The following GHR variants were observed in gnomAD, a reference collection of about 807,000 sequenced individuals.
The protein encoded by GHR is GH receptor.
GHR carries 35 observed loss-of-function variants against 67.1 expected under a neutral mutation model. The observed-to-expected ratio is 0.52, with a 90% CI of 0.40 to 0.69. The LOEUF (loss-of-function observed/expected upper bound fraction) is 0.69. GHR is among the 30% of genes least tolerant of loss of function. The pLI is 0.00. For missense variants in GHR, 792 were observed against 764.6 expected, an observed-to-expected ratio of 1.04 and a Z score of -0.42; for synonymous variants, 272 against 269.1, an observed-to-expected ratio of 1.01 and a Z score of -0.10.
rs755701118 is a variant in GHR, at chr5:42,641,619, C to T, written c.136+12516C>T. ...CACTATCTCATCCTGCCCTCACTAT[C>T]GCTACCCCCAATCTCTCTCTACATT... On this transcript the variant is annotated intron_variant, in intron 3 of 9. Coordinates refer to ENST00000230882, the MANE Select transcript of GHR (RefSeq NM_000163.5). Among the ~76,000 whole-genome samples, 133 of 152,232 alleles carry T rather than the reference C, an allele frequency of 8.7e-4. 2 individuals are homozygous for T. Among genetic ancestry groups the T allele is most frequent in the Non-Finnish European group, 1.8e-3 (123 of 68,010 alleles).
At chr5:42,674,491 T>C (rs980864085) in intron 3 of GHR, among the ~76,000 whole-genome samples, 3 of 152,130 alleles carry the variant, frequency 2.0e-5, no homozygotes, top group African/African-American at 7.2e-5. Context: ...CCTGTACCCA[T>C]TAGTAGTCAC....
intron 1 of GHR, among the ~76,000 whole-genome samples, chr5:42,476,253 C>T (rs1248022100): frequency 2.0e-5 from 3 of 149,004 alleles, no homozygotes; most frequent in Non-Finnish European, 4.4e-5. Flanking sequence ...TGGAGCCCTG[C>T]TCTGTCGCCC....
intron 3 of GHR, among the ~76,000 whole-genome samples, chr5:42,685,843 C>T (rs1322664600): frequency 6.6e-6 from 1 of 151,800 alleles, no homozygotes; most frequent in East Asian, 1.9e-4. Flanking sequence ...GGATATTAGC[C>T]CTTTGTCAGA....
At chr5:42,662,630 C>A in intron 3 of GHR, among the ~76,000 whole-genome samples, 1 of 152,096 alleles carries the variant, frequency 6.6e-6, no homozygotes, top group Non-Finnish European at 1.5e-5. Context: ...ATTTATAGCA[C>A]TAAATGCCCA....
intron 1 of GHR, among the ~76,000 whole-genome samples, chr5:42,477,765 T>C (rs1745407580): frequency 1.3e-5 from 2 of 152,232 alleles, no homozygotes; most frequent in African/African-American, 4.8e-5. Context: ...TTGAGTTCAT[T>C]GTAGATTCTG....
intron 6 of GHR, among the ~76,000 whole-genome samples, chr5:42,704,574 G>A (rs1044624912): frequency 6.6e-6 from 1 of 152,106 alleles, no homozygotes; most frequent in African/African-American, 2.4e-5. Context: ...TCAAGAAATA[G>A]TTTGGTAGTA....
chr5:42,533,268 C>T (rs1748061511), intron 1 of GHR, among the ~76,000 whole-genome samples: 1 of 152,148 alleles, frequency 6.6e-6, no homozygotes, highest in African/African-American at 2.4e-5. Context: ...CTTCTATTAT[C>T]TTTTCTTCTC....
rs746242662 is a variant in GHR, at chr5:42,688,981, A to G, written c.228A>G (p.Thr76=). Residue 76 remains threonine (T), a synonymous_variant, in exon 4 of 10, where the codon ACA becomes ACG. Transcript: ENST00000230882. The part of the protein sequence containing the change: ...CHWTDEVHHG[T]KNLGPIQLFY... ...GGACAGATGAGGTTCATCATGGTAC[A>G]AAGAACCTAGGACCCATACAGCTGT... The G allele has an allele frequency of 2.5e-6, 4 of 1,613,342 alleles. No homozygotes were observed. The highest frequency in any genetic ancestry group is 1.3e-5 in the African/African-American group (1 of 75,038).
rs1308264508 is a variant in GHR at position 42,675,461 on chromosome 5, A to C, written c.137-13429A>C. On this transcript the variant is annotated intron_variant, in intron 3 of 9. Transcript: ENST00000230882. ...CATCAAGAAGAAGAGAGAAAATTTT[A>C]AATAAGACAGAGGAGTGTATGATCA... is the stretch of plus-strand genomic sequence containing the variant. 2.0e-5 allele frequency among the ~76,000 whole-genome samples: 3 copies of C among 152,194 alleles called. No individual in the cohort carries two copies. In the East Asian group the frequency reaches 5.8e-4, roughly 29 times the overall value.
intron 1 of GHR, among the ~76,000 whole-genome samples, chr5:42,563,573 G>A (rs1206772960): frequency 5.7e-5 from 8 of 139,256 alleles, no homozygotes; most frequent in African/African-American, 2.2e-4. Flanking sequence ...AGCCGAGATT[G>A]CGCCACTGCA....
At chr5:42,529,603 G>T (rs148757622) in intron 1 of GHR, among the ~76,000 whole-genome samples, 12 of 152,038 alleles carry the variant, frequency 7.9e-5, no homozygotes, top group Non-Finnish European at 1.8e-4. Context: ...TGGGTTTAAC[G>T]GCCTATATAA....
rs144583835 is a variant in GHR at position 42,547,634 on chromosome 5, C to G, written c.-11-18230C>G. On this transcript the variant is annotated intron_variant, in intron 1 of 9. Coordinates refer to ENST00000230882, the MANE Select transcript of GHR (RefSeq NM_000163.5). ...TACGTTTTCTAAATGCTGTGTTCTTCTGCCCAATTGACCAAAATATACTTA... is the reference window on the plus strand; with the variant it reads ...TACGTTTTCTAAATGCTGTGTTCTTGTGCCCAATTGACCAAAATATACTTA... Among the ~76,000 whole-genome samples, 53 of 152,278 alleles carry G rather than the reference C, an allele frequency of 3.5e-4. 3 individuals carry two copies. The East Asian group carries it at 0.01, about 29-fold the overall frequency.
At chr5:42,506,760 T>C (rs1746796427) in intron 1 of GHR, among the ~76,000 whole-genome samples, 1 of 152,236 alleles carries the variant, frequency 6.6e-6, no homozygotes, top group African/African-American at 2.4e-5. Context: ...TAGAATTATA[T>C]ATTCCCTGTA....
At position 42,718,843 on chromosome 5, in the gene GHR, C is replaced by T; in HGVS notation, c.1336C>T (p.Pro446Ser). The T allele has an allele frequency of 6.2e-7, 1 of 1,614,032 alleles. No homozygotes were observed. The highest frequency in any genetic ancestry group is 1.1e-5 in the South Asian group (1 of 91,066). ...YHDACPATQQ[P>S]SVIQAEKNKP... ...TGATGCTTGCCCTGCTACTCAGCAGCCCAGTGTTATCCAAGCAGAGAAAAA... is the reference window on the plus strand; with the variant it reads ...TGATGCTTGCCCTGCTACTCAGCAGTCCAGTGTTATCCAAGCAGAGAAAAA... Residue 446 changes from proline to serine, a missense_variant, in exon 10 of 10, where the codon CCC becomes TCC. Transcript: ENST00000230882.
At chr5:42,709,831 T>C (rs1758365471) in intron 6 of GHR, among the ~76,000 whole-genome samples, 1 of 152,128 alleles carries the variant, frequency 6.6e-6, no homozygotes, top group South Asian at 2.1e-4. Context: ...CACAGGCAGA[T>C]GACAGGGTTA....
intron 1 of GHR, among the ~76,000 whole-genome samples, chr5:42,527,001 G>A (rs940008625): frequency 7.0e-6 from 1 of 143,230 alleles, no homozygotes; most frequent in African/African-American, 2.6e-5. Context: ...CTATGTGAAG[G>A]AGAAAGAAGA....
At chr5:42,598,683 A>G (rs528317352) in intron 2 of GHR, among the ~76,000 whole-genome samples, 2 of 152,366 alleles carry the variant, frequency 1.3e-5, no homozygotes, top group Admixed American at 6.5e-5. Flanking sequence ...AAGTTAATTT[A>G]GTGTGCATAA....
At chr5:42,662,087 G>A (rs889731149) in intron 3 of GHR, among the ~76,000 whole-genome samples, 3 of 152,164 alleles carry the variant, frequency 2.0e-5, no homozygotes, top group African/African-American at 4.8e-5. Flanking sequence ...CAATACAGGA[G>A]CATCCAGATT....
intron 1 of GHR, among the ~76,000 whole-genome samples, chr5:42,479,353 G>C (rs1420830649): frequency 2.6e-5 from 4 of 151,924 alleles, no homozygotes; most frequent in Non-Finnish European, 4.4e-5. Context: ...TCTCTTTTTT[G>C]GTTGTGTCTC....
Sources: allele counts gnomAD v4.1 joint callset (sites outside exome capture counted in the v4.1 genomes callset), GRCh38; gene constraint gnomAD v4.1.1; transcripts MANE v1.5; gene names NCBI Gene and HGNC (gene_info 2026-07-23, HGNC 2026-07-21).